ADPGK: variants seen among roughly 807,000 people sequenced by gnomAD.
ADPGK encodes ADP-dependent glucokinase.
Under a neutral mutation model 42.4 loss-of-function variants are expected in ADPGK, and 26 were observed. The ratio of observed to expected loss-of-function variants is 0.61; its 90% CI spans 0.45 to 0.85. The LOEUF is 0.85. ADPGK is among the 40% of genes least tolerant of loss of function. The pLI is 0.00. For missense variants in ADPGK, 571 were observed against 627.0 expected, an observed-to-expected ratio of 0.91 and a Z score of 0.95; for synonymous variants, 267 against 252.6, an observed-to-expected ratio of 1.06 and a Z score of -0.54.
intron 6 of ADPGK, among the ~76,000 whole-genome samples, chr15:72,753,358 G>A (rs144874026): frequency 4.6e-5 from 7 of 152,268 alleles, no homozygotes; most frequent in African/African-American, 1.7e-4. Context: ...GAAGCAAAAA[G>A]CATACAGTTT....
intron 1 of ADPGK, among the ~76,000 whole-genome samples, chr15:72,775,731 C>T (rs2066384170): frequency 6.6e-6 from 1 of 152,150 alleles, no homozygotes; most frequent in Non-Finnish European, 1.5e-5. Context: ...TGGTGTTTTA[C>T]AGACTTAGGC....
At chr15:72,768,377 TA>T (rs1566956580) in intron 3 of ADPGK, among the ~76,000 whole-genome samples, 2 of 152,176 alleles carry the variant, frequency 1.3e-5, no homozygotes, top group Non-Finnish European at 2.9e-5. Flanking sequence ...CACTCTGTTT[TA>T]AAAATTGAAG....
intron 3 of ADPGK, among the ~76,000 whole-genome samples, chr15:72,767,428 TATCA>T: frequency 6.7e-6 from 1 of 149,594 alleles, no homozygotes; most frequent in East Asian, 2.0e-4. Context: ...TGAACAACAC[TATCA>T]ATCAACTTCA....
At chr15:72,763,973 TTA>T (rs1243021304) in intron 3 of ADPGK, among the ~76,000 whole-genome samples, 1 of 152,188 alleles carries the variant, frequency 6.6e-6, no homozygotes, top group Non-Finnish European at 1.5e-5. Flanking sequence ...AATAAATATT[TTA>T]TGTGTTCTGA....
intron 1 of ADPGK, among the ~76,000 whole-genome samples, chr15:72,778,043 G>A (rs2066411098): frequency 6.6e-6 from 1 of 152,084 alleles, no homozygotes; most frequent in Admixed American, 6.6e-5. Flanking sequence ...GAGCCTAGGA[G>A]TTCCAGACCA....
chr15:72,777,977 G>A (rs1433650869), intron 1 of ADPGK, among the ~76,000 whole-genome samples: 4 of 151,960 alleles, frequency 2.6e-5, no homozygotes, highest in Admixed American at 6.6e-5. Flanking sequence ...GGCTGAGCAC[G>A]GTGGCTCACA....
At chr15:72,753,928 G>A (rs1056879489) in intron 6 of ADPGK, among the ~76,000 whole-genome samples, 1 of 152,234 alleles carries the variant, frequency 6.6e-6, no homozygotes, top group Middle Eastern at 3.4e-3. Flanking sequence ...TGCTGATGAC[G>A]TGCCTGTGTA....
Position 72,756,015 on chromosome 15 carries a change from G to A in ADPGK, c.840+236C>T, listed in dbSNP as rs1306669096. 5.8e-6 allele frequency: 4 copies of A among 686,446 alleles called. No individual in the cohort carries two copies. The Admixed American group carries it at 8.1e-5, about 14-fold the overall frequency. 42.5% of individuals were successfully genotyped at this position (686,446 alleles called of 1,614,324 possible). On this transcript the variant is annotated intron_variant, in intron 5 of 6. Transcript: ENST00000456471. The stretch of plus-strand genomic sequence containing the variant: ...TTGCAGCCATGGTCGGTTTAGCACA[G>A]GATGCAGAGGCTCAGGCAAGAAGAT...
chr15:72,765,077 A>G (rs908531242), intron 3 of ADPGK, among the ~76,000 whole-genome samples: 1 of 152,024 alleles, frequency 6.6e-6, no homozygotes, highest in Admixed American at 6.6e-5. Context: ...ATGGAAATGT[A>G]TAAGGAGAAG....
chr15:72,756,076 C>G, intron 5 of ADPGK, 175 bp downstream of exon 5: 1 of 759,714 alleles, frequency 1.3e-6, no homozygotes, highest in Non-Finnish European at 2.3e-6. Context: ...CTGCCCACAT[C>G]TGAAGGGATA....
In ADPGK at chr15:72,755,987, A is replaced by G. The variant is rs903819012; in HGVS notation, c.840+264T>C. 22 of 670,688 alleles carry G rather than the reference A, an allele frequency of 3.3e-5. No individual in the cohort carries two copies. In the African/African-American group the frequency reaches 3.7e-4, roughly 11 times the overall value. The allele number at this position is 670,688 out of a possible 1,614,324, so 41.5% of individuals were successfully genotyped here. On this transcript the variant is annotated intron_variant, in intron 5 of 6. Transcript: ENST00000456471. Reference sequence around the variant, plus strand: ...AAAGGACACAAACTACAAACCCTGCAGCTTGCAGCCATGGTCGGTTTAGCA... The same window carrying G: ...AAAGGACACAAACTACAAACCCTGCGGCTTGCAGCCATGGTCGGTTTAGCA...
intron 5 of ADPGK, chr15:72,755,937 T>C (rs2066107490): frequency 1.5e-6 from 1 of 645,944 alleles, no homozygotes; most frequent in Non-Finnish European, 2.9e-6. Context: ...ATAGCTGATG[T>C]GAAGTGAGAT....
At chr15:72,781,183 T>C (rs1003028833) in intron 1 of ADPGK, among the ~76,000 whole-genome samples, 2 of 152,194 alleles carry the variant, frequency 1.3e-5, no homozygotes, top group Middle Eastern at 3.2e-3. Context: ...GGGTAATAAA[T>C]GATGAGAAGC....
chr15:72,758,866 G>C (rs529182304), intron 4 of ADPGK, among the ~76,000 whole-genome samples: 20 of 152,358 alleles, frequency 1.3e-4, no homozygotes, highest in African/African-American at 4.8e-4. Context: ...ACTCATGGCA[G>C]CAATACCTCA....
intron 1 of ADPGK, among the ~76,000 whole-genome samples, chr15:72,781,197 G>C (rs1031388283): frequency 6.6e-6 from 1 of 152,140 alleles, no homozygotes; most frequent in African/African-American, 2.4e-5. Flanking sequence ...GAGAAGCAGT[G>C]AAACAGTTTA....
In ADPGK at chr15:72,752,345, T is replaced by A; in HGVS notation, c.1490A>T (p.Tyr497Phe). The change falls in exon 7 of 7, where the codon TAT becomes TTT. Residue 497 changes from tyrosine (Y) to phenylalanine (F), a missense_variant. This residue lies in a region of ADPGK where 434 missense variants were observed against 522.7 expected (regional missense o/e 0.83). Transcript: ENST00000456471. ...AAATTACCCCTAAGAATCTTCCTAA[T>A]AGTGAGGGTGTACTTCCGAATAGAA... is the stretch of plus-strand genomic sequence containing the variant. ...GLFYSEVHPH[Y>F] 6.2e-7 allele frequency: 1 copy of A among 1,610,384 alleles called. No homozygotes were observed. The highest frequency in any genetic ancestry group is 8.5e-7 in the Non-Finnish European group (1 of 1,177,382).
chr15:72,752,214 G>C lies in ADPGK; in HGVS notation c.*127C>G. On this transcript the variant is annotated 3_prime_UTR_variant, in exon 7 of 7. Transcript: ENST00000456471. ...AATGTTTTTATGGAGTTGCCAACAGGCTGGAATGTACCTGATACAGTTTAA... is the reference window on the plus strand; with the variant it reads ...AATGTTTTTATGGAGTTGCCAACAGCCTGGAATGTACCTGATACAGTTTAA... 2.1e-6 allele frequency: 2 copies of C among 938,802 alleles called. No homozygotes were observed. The highest frequency in any genetic ancestry group is 1.9e-5 in the South Asian group (1 of 54,008). 58.2% of individuals were successfully genotyped at this position (938,802 alleles called of 1,614,324 possible). A position where few individuals can be genotyped will look rare whatever the true frequency, so the allele number is the denominator to read the frequency against.
intron 1 of ADPGK, 29 bp downstream of exon 1, chr15:72,783,430 T>C (rs2151100014): frequency 7.5e-7 from 1 of 1,331,594 alleles, no homozygotes; most frequent in Non-Finnish European, 9.6e-7. Flanking sequence ...CCTCGGAGGC[T>C]CAGAGACCCA....
At chr15:72,779,401 A>C (rs1036017408) in intron 1 of ADPGK, among the ~76,000 whole-genome samples, 1 of 151,948 alleles carries the variant, frequency 6.6e-6, no homozygotes, top group African/African-American at 2.4e-5. Context: ...GAAATGCATC[A>C]CCACGCCTAA....
Sources: allele counts gnomAD v4.1 joint callset (sites outside exome capture counted in the v4.1 genomes callset), GRCh38; gene constraint gnomAD v4.1.1; regional missense constraint gnomAD v4.1.1; transcripts MANE v1.5; gene names NCBI Gene and HGNC (gene_info 2026-07-23, HGNC 2026-07-21).